The following CDK6 variants were observed in gnomAD, a reference collection of about 807,000 sequenced individuals.
CDK6 encodes the protein cyclin-dependent kinase 6.
Under a neutral mutation model 37.1 loss-of-function variants are expected in CDK6, and 6 were observed. That is an observed-to-expected ratio of 0.16 (90% confidence interval 0.09 to 0.32). The LOEUF (loss-of-function observed/expected upper bound fraction) is 0.32, where lower values mean the gene tolerates loss of function less well. CDK6 is among the 10% of genes least tolerant of loss of function. The pLI, the probability that CDK6 is intolerant of heterozygous loss-of-function variation, is 1.00. For synonymous variants in CDK6, 160 were observed against 161.3 expected (o/e 0.99, Z 0.06); for missense variants, 224 against 418.9 (o/e 0.53, Z 4.06).
intron 6 of CDK6, among the ~76,000 whole-genome samples, chr7:92,620,687 C>T (rs3731364): frequency 1.3e-4 from 20 of 152,024 alleles, no homozygotes; most frequent in Non-Finnish European, 1.8e-4. Context: ...GCAAGTGGAC[C>T]ACTTGACCCC....
intron 2 of CDK6, among the ~76,000 whole-genome samples, chr7:92,793,730 TAGAA>T (rs1165850333): frequency 1.3e-5 from 2 of 152,188 alleles, no homozygotes; most frequent in African/African-American, 4.8e-5. Flanking sequence ...TAAGCAATAT[TAGAA>T]AGAACAGATC....
chr7:92,734,438 C>T (rs1175677013), intron 3 of CDK6, among the ~76,000 whole-genome samples: 2 of 152,194 alleles, frequency 1.3e-5, no homozygotes, highest in Non-Finnish European at 2.9e-5. Flanking sequence ...TCTGGCCCTG[C>T]CTCCTGGTAC....
chr7:92,706,959 A>T (rs1452718042), intron 4 of CDK6, among the ~76,000 whole-genome samples: 1 of 152,218 alleles, frequency 6.6e-6, no homozygotes, highest in Non-Finnish European at 1.5e-5. Context: ...TCTTCAGCAT[A>T]ATCATTTCAG....
In CDK6 at chr7:92,614,982, T is replaced by C. The variant is rs574395087; in HGVS notation, c.*158A>G. On this transcript the variant is annotated 3_prime_UTR_variant, in exon 8 of 8. Coordinates refer to ENST00000424848, the MANE Select transcript of CDK6 (RefSeq NM_001145306.2). Reference sequence around the variant, plus strand: ...TTGCATTGATTTCAAAACAGTAAACTAGGCGGTTTCCTTGGAGAAGCAGAG... The same window carrying C: ...TTGCATTGATTTCAAAACAGTAAACCAGGCGGTTTCCTTGGAGAAGCAGAG... 32 of 618,352 alleles carry C rather than the reference T, an allele frequency of 5.2e-5. No individual in the cohort carries two copies. The Admixed American group carries it at 7.4e-4, about 14-fold the overall frequency. The allele number at this position is 618,352 out of a possible 1,614,324, so 38.3% of individuals were successfully genotyped here.
At chr7:92,758,072 A>G (rs1246884518) in intron 3 of CDK6, among the ~76,000 whole-genome samples, 2 of 152,252 alleles carry the variant, frequency 1.3e-5, no homozygotes, top group East Asian at 1.9e-4. Flanking sequence ...ACAGTTTGCA[A>G]ATATTTTCTC....
At chr7:92,816,198 A>G (rs1474992291) in intron 2 of CDK6, among the ~76,000 whole-genome samples, 1 of 152,204 alleles carries the variant, frequency 6.6e-6, no homozygotes, top group African/African-American at 2.4e-5. Flanking sequence ...GCCATACAGA[A>G]CATGACCCAT....
At chr7:92,772,940 G>A (rs191361352) in intron 3 of CDK6, among the ~76,000 whole-genome samples, 49 of 152,028 alleles carry the variant, frequency 3.2e-4, no homozygotes, top group African/African-American at 1.1e-3. Context: ...TGCCTCATCT[G>A]TCTGTTTTTT....
At chr7:92,623,308 T>A (rs750414088) in intron 5 of CDK6, among the ~76,000 whole-genome samples, 22 of 152,138 alleles carry the variant, frequency 1.4e-4, no homozygotes, top group Non-Finnish European at 3.1e-4. Context: ...GAATTCCATG[T>A]TTTACAATCA....
At chr7:92,651,845 GA>G (rs1243192725) in intron 5 of CDK6, among the ~76,000 whole-genome samples, 2 of 151,872 alleles carry the variant, frequency 1.3e-5, no homozygotes, top group African/African-American at 4.8e-5. Context: ...GGATCTTGGA[GA>G]GGGGCAGGGG....
intron 3 of CDK6, among the ~76,000 whole-genome samples, chr7:92,752,060 C>G (rs959796875): frequency 6.6e-6 from 1 of 152,172 alleles, no homozygotes; most frequent in African/African-American, 2.4e-5. Flanking sequence ...AGTCACAAAT[C>G]TAGCTCCTGG....
chr7:92,664,844 G>A (rs922582749), intron 5 of CDK6, among the ~76,000 whole-genome samples: 2 of 150,928 alleles, frequency 1.3e-5, no homozygotes, highest in African/African-American at 4.9e-5. Flanking sequence ...GGAGTGCAGT[G>A]GCACGATCTC....
intron 3 of CDK6, among the ~76,000 whole-genome samples, chr7:92,770,500 T>C (rs548595683): frequency 6.6e-6 from 1 of 152,262 alleles, no homozygotes; most frequent in Non-Finnish European, 1.5e-5. Flanking sequence ...GTTTCCCCAA[T>C]AAGTTTACCC....
At chr7:92,618,702 A>G (rs1795735084) in intron 6 of CDK6, among the ~76,000 whole-genome samples, 1 of 152,202 alleles carries the variant, frequency 6.6e-6, no homozygotes, top group Non-Finnish European at 1.5e-5. Context: ...GTTAAAGAGC[A>G]ATTCCCTACA....
chr7:92,741,368 T>C (rs1220810727), intron 3 of CDK6, among the ~76,000 whole-genome samples: 1 of 152,258 alleles, frequency 6.6e-6, no homozygotes, highest in Non-Finnish European at 1.5e-5. Flanking sequence ...AATACTTTTT[T>C]AGTTTAAGTG....
chr7:92,773,800 A>G (rs1799777924), intron 3 of CDK6, among the ~76,000 whole-genome samples: 1 of 152,216 alleles, frequency 6.6e-6, no homozygotes, highest in Non-Finnish European at 1.5e-5. Context: ...ATCACTAAAG[A>G]CATTTCTTAG....
chr7:92,799,497 CT>C (rs397891013), intron 2 of CDK6, among the ~76,000 whole-genome samples: 79 of 147,174 alleles, frequency 5.4e-4, no homozygotes, highest in East Asian at 1.8e-3. Flanking sequence ...TTTCCATAGT[CT>C]TTTTTTTTTT....
intron 3 of CDK6, among the ~76,000 whole-genome samples, chr7:92,747,751 T>C (rs570117169): frequency 1.3e-5 from 2 of 152,232 alleles, no homozygotes; most frequent in East Asian, 3.8e-4. Flanking sequence ...TATTTCTCTA[T>C]GTATCTCATT....
At chr7:92,673,220 T>C (rs1797129449) in intron 4 of CDK6, among the ~76,000 whole-genome samples, 1 of 152,150 alleles carries the variant, frequency 6.6e-6, no homozygotes, top group Admixed American at 6.5e-5. Flanking sequence ...TCCCAGACAA[T>C]GTCACACAGA....
intron 3 of CDK6, among the ~76,000 whole-genome samples, chr7:92,742,247 A>G (rs960769406): frequency 6.6e-6 from 1 of 152,256 alleles, no homozygotes; most frequent in Admixed American, 6.5e-5. Flanking sequence ...ACCCTAAGTA[A>G]GAAGTTTCTT....
Sources: gnomAD v4.1 joint callset for allele counts (sites outside exome capture counted in the v4.1 genomes callset) on GRCh38, gnomAD v4.1.1 for gene constraint, MANE v1.5 for transcripts, NCBI Gene and HGNC (gene_info 2026-07-23, HGNC 2026-07-21) for gene names.